DHTKD1: variants seen among roughly 807,000 people sequenced by gnomAD.
DHTKD1 encodes the protein dehydrogenase E1 and transketolase domain containing 1.
DHTKD1 carries 78 observed loss-of-function variants against 101.8 expected under a neutral mutation model. The observed-to-expected ratio is 0.77, with a 90% confidence interval of 0.64 to 0.93. The LOEUF is 0.93. DHTKD1 is among the 40% of genes least tolerant of loss of function. DHTKD1 has a pLI of 0.00. For synonymous variants in DHTKD1, 462 were observed against 450.3 expected (o/e 1.03, Z -0.33); for missense variants, 1,223 against 1,161.7 (o/e 1.05, Z -0.77).
intron 11 of DHTKD1, 47 bp downstream of exon 11, chr10:12,106,443 G>A (rs759286576): frequency 6.2e-7 from 1 of 1,605,404 alleles, no homozygotes; most frequent in South Asian, 1.1e-5. Context: ...TCCCTGCGTG[G>A]CCCCAGCCTC....
chr10:12,101,223 G>T, intron 10 of DHTKD1, 42 bp downstream of exon 10: 2 of 1,583,058 alleles, frequency 1.3e-6, no homozygotes, highest in Non-Finnish European at 8.6e-7. Context: ...AGGTGCCAAC[G>T]ATTACACTTC....
At chr10:12,083,773 C>G (rs971386720) in intron 2 of DHTKD1, among the ~76,000 whole-genome samples, 2 of 152,056 alleles carry the variant, frequency 1.3e-5, no homozygotes, top group Non-Finnish European at 2.9e-5. Context: ...AGAAACAAAA[C>G]TTGGCATAAA....
Position 12,100,233 on chromosome 10 carries a change from C to G in DHTKD1, c.1727C>G (p.Ala576Gly). Reference sequence around the variant, plus strand: ...AAGCTAGACTGGGCCACCGCGGAAGCTCTTGCCTTGGGTTCTTTACTTGCT... The same window carrying G: ...AAGCTAGACTGGGCCACCGCGGAAGGTCTTGCCTTGGGTTCTTTACTTGCT... ...GIKLDWATAE[A>G]LALGSLLAQG... The change falls in exon 9 of 17, where the codon GCT becomes GGT. Residue 576 changes from alanine (A) to glycine (G), a missense_variant. Ala to Gly is a moderately conservative substitution (Grantham distance 60). Transcript: ENST00000263035. 5.1e-6 allele frequency: 8 copies of G among 1,555,212 alleles called. No homozygotes were observed. Among genetic ancestry groups the G allele is most frequent in the Non-Finnish European group, 7.0e-6 (8 of 1,149,496 alleles).
chr10:12,104,860 C>A (rs1349966787), intron 10 of DHTKD1, among the ~76,000 whole-genome samples: 2 of 150,918 alleles, frequency 1.3e-5, no homozygotes, highest in Non-Finnish European at 3.0e-5. Flanking sequence ...TTTCTCAAAC[C>A]AAGATCAACA....
chr10:12,095,812 C>CAAAAAAAAAAAA (rs1185585860), intron 7 of DHTKD1, among the ~76,000 whole-genome samples: 55 of 41,458 alleles, frequency 1.3e-3, no homozygotes, highest in Non-Finnish European at 1.9e-3. Flanking sequence ...GACTCCGTCT[C>CAAAAAAAAAAAA]AAAAAAAAAA....
In DHTKD1 at chr10:12,122,670, T is replaced by G. The variant is rs765636446; in HGVS notation, c.*1782T>G. On this transcript the variant is annotated 3_prime_UTR_variant, in exon 17 of 17. Transcript: ENST00000263035. ...AGAGGAAAAAAAAAGAAAAGAACAC[T>G]TCTTTATTTGAGGGACTTTCCCAAC... 7 of 151,688 alleles carry G rather than the reference T, an allele frequency of 4.6e-5. No homozygotes were observed. Among genetic ancestry groups the G allele is most frequent in the Admixed American group, 6.6e-5 (1 of 15,040 alleles). The allele number at this position is 151,688 out of a possible 1,614,324, so 9.4% of individuals were successfully genotyped here.
intron 9 of DHTKD1, 26 bp from the exon 10 acceptor site, chr10:12,101,016 G>T (rs1384588270): frequency 6.2e-7 from 1 of 1,612,038 alleles, no homozygotes; most frequent in Non-Finnish European, 8.5e-7. Context: ...ATGGGAATCT[G>T]ACTTTTTTTT....
At chr10:12,113,133 C>G (rs1259455949) in intron 13 of DHTKD1, 69 bp downstream of exon 13, 4 of 1,320,648 alleles carry the variant, frequency 3.0e-6, no homozygotes, top group Non-Finnish European at 4.1e-6. Flanking sequence ...TCCCTATTTT[C>G]CATATCTAAT....
chr10:12,080,356 T>C (rs10752254), intron 1 of DHTKD1, among the ~76,000 whole-genome samples: 72,546 of 149,128 alleles, frequency 0.49, 19,428 homozygotes, highest in South Asian at 0.72. Flanking sequence ...CAAACCCAAG[T>C]GCATGGGTGG....
chr10:12,069,644 T>C (rs1366990209), intron 1 of DHTKD1, among the ~76,000 whole-genome samples: 1 of 133,880 alleles, frequency 7.5e-6, no homozygotes, highest in East Asian at 2.4e-4. Flanking sequence ...CACCTCAGCG[T>C]CCCGAGTAGC....
chr10:12,104,881 C>CTT (rs142280262), intron 10 of DHTKD1, among the ~76,000 whole-genome samples: 18 of 146,436 alleles, frequency 1.2e-4, no homozygotes, highest in Admixed American at 2.7e-4. Flanking sequence ...ATTTTTTTTT[C>CTT]TTTTTTTTTT....
At chr10:12,083,826 C>T (rs979989930) in intron 2 of DHTKD1, among the ~76,000 whole-genome samples, 1 of 152,124 alleles carries the variant, frequency 6.6e-6, no homozygotes, top group African/African-American at 2.4e-5. Context: ...GGGGGCTTTC[C>T]CCCTTCTAGT....
intron 1 of DHTKD1, among the ~76,000 whole-genome samples, chr10:12,074,166 T>C (rs1036160590): frequency 7.3e-6 from 1 of 136,332 alleles, no homozygotes; most frequent in Non-Finnish European, 1.7e-5. Context: ...TAATAGAAAG[T>C]TTTGCTTTTT....
rs1041840345 is a variant in DHTKD1, at chr10:12,110,978, G to A, written c.2155-1922G>A. 1.1e-4 allele frequency among the ~76,000 whole-genome samples: 17 copies of A among 151,038 alleles called. No homozygotes were observed. Among genetic ancestry groups the A allele is most frequent in the African/African-American group, 3.6e-4 (15 of 41,100 alleles). On this transcript the variant is annotated intron_variant, in intron 12 of 16. Transcript: ENST00000263035. This position sits in a 1 kb window ranked among gnomAD's most constrained non-coding sequence, Gnocchi z 4.9. ...GGAGGATCACTTGAGCCTGGGAGGC[G>A]GAGGTTGTAGTGAGCTGAGGTTGCA...
chr10:12,090,409 T>A (rs200463852), intron 5 of DHTKD1, among the ~76,000 whole-genome samples: 1 of 16,042 alleles, frequency 6.2e-5, no homozygotes, highest in East Asian at 1.3e-3. Context: ...TCCTTCCTTT[T>A]TTCCTTCCTT....
In DHTKD1 at chr10:12,084,768, A is replaced by G; in HGVS notation, c.522+17A>G. On this transcript the variant is annotated intron_variant, in intron 3 of 16. Transcript: ENST00000263035. ...GAATCTCAGGTAAAAAGGAGCATCT[A>G]GGCCGGGCACGGTGGCTCATGCCTG... 1 of 1,612,116 alleles carries G rather than the reference A, an allele frequency of 6.2e-7. No individual in the cohort carries two copies. The highest frequency in any genetic ancestry group is 1.1e-5 in the South Asian group (1 of 91,030).
chr10:12,105,154 A>G (rs1833223800), intron 10 of DHTKD1, among the ~76,000 whole-genome samples: 1 of 151,912 alleles, frequency 6.6e-6, no homozygotes, highest in Non-Finnish European at 1.5e-5. Flanking sequence ...TTTAATTGTA[A>G]TGTCTTTTTA....
rs547387068 is a variant in DHTKD1, at chr10:12,074,418, C to G, written c.154+5231C>G. Among the ~76,000 whole-genome samples the G allele has an allele frequency of 7.9e-5, 12 of 151,352 alleles. No individual in the cohort carries two copies. The East Asian group carries it at 2.0e-3, about 25-fold the overall frequency. On this transcript the variant is annotated intron_variant, in intron 1 of 16. Coordinates refer to ENST00000263035, the MANE Select transcript of DHTKD1 (RefSeq NM_018706.7). The stretch of plus-strand genomic sequence containing the variant: ...TCGCCCAGGCTGGAGTGCAGTGGCA[C>G]GATCTCTGCTCACTGCAAACTCTGC...
In DHTKD1 at chr10:12,098,005, C is replaced by T. The variant is rs763016579; in HGVS notation, c.1671+9C>T. The stretch of plus-strand genomic sequence containing the variant: ...TGAAGACACATGTTCAGGTGGGCAG[C>T]CTCCAAATGGCTGGTTATTGCTTCT... On this transcript the variant is annotated intron_variant, in intron 8 of 16. Coordinates refer to ENST00000263035, the MANE Select transcript of DHTKD1 (RefSeq NM_018706.7). 4 of 1,588,094 alleles carry T rather than the reference C, an allele frequency of 2.5e-6. No homozygotes were observed. In the South Asian group the frequency reaches 4.5e-5, roughly 18 times the overall value.
Sources: allele counts gnomAD v4.1 joint callset (sites outside exome capture counted in the v4.1 genomes callset), GRCh38; gene constraint gnomAD v4.1.1; non-coding constraint Gnocchi (gnomAD v3.1); transcripts MANE v1.5; gene names NCBI Gene and HGNC (gene_info 2026-07-23, HGNC 2026-07-21).